Variants in DTD1 observed in about 807,000 individuals in gnomAD.
DTD1 encodes the protein D-aminoacyl-tRNA deacylase 1, also known as D-tyrosyl-tRNA deacylase 1 homolog.
DTD1 carries 13 observed loss-of-function variants against 25.6 expected under a neutral mutation model. The ratio of observed to expected loss-of-function variants is 0.51; its 90% CI spans 0.33 to 0.81. The LOEUF is 0.81. Among genes scored for constraint, DTD1 ranks in the 30% least tolerant of loss-of-function variants. DTD1 has a pLI of 0.02. For synonymous variants in DTD1, 110 were observed against 103.6 expected, an observed-to-expected ratio of 1.06 and a Z score of -0.37; for missense variants, 193 against 266.4, an observed-to-expected ratio of 0.72 and a Z score of 1.92.
intron 3 of DTD1, among the ~76,000 whole-genome samples, chr20:18,624,964 G>A (rs1240105130): frequency 6.6e-6 from 1 of 152,230 alleles, no homozygotes; most frequent in Non-Finnish European, 1.5e-5. Flanking sequence ...GGGTGGCCCT[G>A]TTAGTGAAAG....
At chr20:18,758,297 T>G (rs2061347561) in intron 5 of DTD1, among the ~76,000 whole-genome samples, 1 of 152,212 alleles carries the variant, frequency 6.6e-6, no homozygotes, top group African/African-American at 2.4e-5. Context: ...TCTTAGTTAT[T>G]TCTTGCCTTC....
chr20:18,760,903 G>A (rs556159010), intron 5 of DTD1, among the ~76,000 whole-genome samples: 12 of 152,308 alleles, frequency 7.9e-5, no homozygotes, highest in Non-Finnish European at 1.3e-4. Context: ...CTTCCCGGCC[G>A]CTTTGTTTGC....
chr20:18,752,489 C>T (rs1192792404), intron 5 of DTD1, among the ~76,000 whole-genome samples: 2 of 152,110 alleles, frequency 1.3e-5, no homozygotes, highest in Admixed American at 6.5e-5. Context: ...CAGAGGCATC[C>T]TTCATTTCTG....
intron 3 of DTD1, among the ~76,000 whole-genome samples, chr20:18,619,357 C>T (rs1324580643): frequency 6.6e-6 from 1 of 152,134 alleles, no homozygotes. Context: ...TTTTCTATGA[C>T]TCATATGACA....
chr20:18,699,272 C>T (rs992542185), intron 4 of DTD1, among the ~76,000 whole-genome samples: 2 of 152,150 alleles, frequency 1.3e-5, no homozygotes, highest in Non-Finnish European at 2.9e-5. Flanking sequence ...CCTGAGGCAG[C>T]GGTGTTCTTT....
chr20:18,761,910 G>A (rs911198396), intron 5 of DTD1, among the ~76,000 whole-genome samples: 6 of 152,238 alleles, frequency 3.9e-5, no homozygotes, highest in African/African-American at 1.4e-4. Context: ...CAGGAATGAT[G>A]TTGTCTGTTC....
rs181954122 is a variant in DTD1 at position 18,651,872 on chromosome 20, G to A, written c.477+23639G>A. The stretch of plus-strand genomic sequence containing the variant: ...GCATAGGGCTTGCCAGATTCTTGTA[G>A]CTGGGCAGGGATGGAGGTAGATCTG... On this transcript the variant is annotated intron_variant, in intron 4 of 5. Coordinates refer to ENST00000377452, the MANE Select transcript of DTD1 (RefSeq NM_080820.6). Among the ~76,000 whole-genome samples, 162 of 152,324 alleles carry A rather than the reference G, an allele frequency of 1.1e-3. 1 individual carries two copies. The highest frequency in any genetic ancestry group is 3.5e-3 in the African/African-American group (146 of 41,576).
At chr20:18,724,751 G>C (rs1425181823) in intron 4 of DTD1, among the ~76,000 whole-genome samples, 1 of 152,144 alleles carries the variant, frequency 6.6e-6, no homozygotes, top group East Asian at 1.9e-4. Context: ...CCCTCCCCTG[G>C]AAAGATTTAA....
Position 18,695,448 on chromosome 20 carries a change from T to C in DTD1, c.478-48652T>C, listed in dbSNP as rs1320074114. Among the ~76,000 whole-genome samples the C allele has an allele frequency of 1.7e-4, 16 of 91,656 alleles. 2 individuals are homozygous for C. Among genetic ancestry groups the C allele is most frequent in the East Asian group, 7.4e-4 (2 of 2,714 alleles). The allele number at this position is 91,656 out of a possible 152,430, so 60.1% of individuals were successfully genotyped here. On this transcript the variant is annotated intron_variant, in intron 4 of 5. Transcript: ENST00000377452. The stretch of plus-strand genomic sequence containing the variant: ...GCCTCCCCCTTCCCCTTCTTCCCCT[T>C]CCCCTTCTTTCCCTTCCCCTTCTTT...
At position 18,689,929 on chromosome 20, in the gene DTD1, G is replaced by A. The variant is rs80070806; in HGVS notation, c.478-54171G>A. 3.2e-3 allele frequency among the ~76,000 whole-genome samples: 485 copies of A among 150,446 alleles called. 2 individuals are homozygous for A. The highest frequency in any genetic ancestry group is 5.2e-3 in the Non-Finnish European group (348 of 67,268). On this transcript the variant is annotated intron_variant, in intron 4 of 5. Coordinates refer to ENST00000377452, the MANE Select transcript of DTD1 (RefSeq NM_080820.6). Reference sequence around the variant, plus strand: ...GGGCAGGAGGATTACTTGAGGCCAAGAGTTAAAGACCAGCCTGGGGCAACT... The same window carrying A: ...GGGCAGGAGGATTACTTGAGGCCAAAAGTTAAAGACCAGCCTGGGGCAACT...
intron 4 of DTD1, among the ~76,000 whole-genome samples, chr20:18,638,778 G>C (rs940984532): frequency 6.6e-6 from 1 of 152,178 alleles, no homozygotes; most frequent in African/African-American, 2.4e-5. Context: ...TGGGTTTAGT[G>C]TAGGCTCAGG....
intron 4 of DTD1, among the ~76,000 whole-genome samples, chr20:18,650,112 C>T (rs2122353031): frequency 6.6e-6 from 1 of 152,214 alleles, no homozygotes; most frequent in African/African-American, 2.4e-5. Flanking sequence ...GTCTGTAGTC[C>T]CTGCTACTCA....
intron 4 of DTD1, among the ~76,000 whole-genome samples, chr20:18,739,044 C>T (rs2061267508): frequency 6.6e-6 from 1 of 151,766 alleles, no homozygotes. Context: ...TGGCCTCAGG[C>T]CTTAGGTGGA....
At chr20:18,649,421 A>C (rs1456343846) in intron 4 of DTD1, among the ~76,000 whole-genome samples, 2 of 135,960 alleles carry the variant, frequency 1.5e-5, no homozygotes, top group African/African-American at 5.6e-5. Flanking sequence ...TCACTGCAAC[A>C]TCCGCCTCCC....
At chr20:18,640,273 C>T (rs372143148) in intron 4 of DTD1, among the ~76,000 whole-genome samples, 1 of 151,918 alleles carries the variant, frequency 6.6e-6, no homozygotes, top group African/African-American at 2.4e-5. Context: ...ATTTTCCTAT[C>T]TTTTTTCTCA....
intron 5 of DTD1, among the ~76,000 whole-genome samples, chr20:18,760,653 G>T (rs189040966): frequency 6.4e-4 from 97 of 152,308 alleles, no homozygotes; most frequent in Middle Eastern, 3.4e-3. Flanking sequence ...CTACAGTGCG[G>T]TGCCTCCCAG....
chr20:18,744,791 C>T (rs1471043409), intron 5 of DTD1, among the ~76,000 whole-genome samples: 2 of 151,984 alleles, frequency 1.3e-5, no homozygotes, highest in Non-Finnish European at 2.9e-5. Context: ...ATTGTAGTTC[C>T]CATAATTTCC....
At chr20:18,653,360 C>T (rs987693638) in intron 4 of DTD1, among the ~76,000 whole-genome samples, 2 of 152,190 alleles carry the variant, frequency 1.3e-5, no homozygotes, top group Non-Finnish European at 2.9e-5. Flanking sequence ...TACCACCAAA[C>T]TCCAGCCTGG....
intron 4 of DTD1, among the ~76,000 whole-genome samples, chr20:18,649,878 G>A (rs1033003964): frequency 4.6e-5 from 7 of 152,146 alleles, no homozygotes; most frequent in African/African-American, 1.7e-4. Context: ...ATGCTCATGC[G>A]CCACAGTCCT....
Sources: gnomAD v4.1 joint callset for allele counts (sites outside exome capture counted in the v4.1 genomes callset) on GRCh38, gnomAD v4.1.1 for gene constraint, MANE v1.5 for transcripts, NCBI Gene and HGNC (gene_info 2026-07-23, HGNC 2026-07-21) for gene names.